Variants in NEB observed in about 807,000 individuals in gnomAD.
The protein encoded by NEB is nemaline myopathy type 2.
Under a neutral mutation model 952.2 loss-of-function variants are expected in NEB, and 512 were observed. That is an observed-to-expected ratio of 0.54 (90% CI 0.50 to 0.58). The LOEUF (loss-of-function observed/expected upper bound fraction) is 0.58, where lower values mean the gene tolerates loss of function less well. Ranked by LOEUF, NEB falls within the 20% of genes least tolerant of loss-of-function variation. NEB has a pLI of 0.00. For missense variants in NEB, 8,428 were observed against 9,231.1 expected (o/e 0.91, Z 3.56); for synonymous variants, 2,900 against 3,149.8 (o/e 0.92, Z 2.66).
intron 76 of NEB, 167 bp downstream of exon 76, chr2:151,615,834 GA>G: frequency 1.7e-6 from 1 of 602,914 alleles, no homozygotes; most frequent in Non-Finnish European, 2.9e-6. Context: ...AATGGGTCTA[GA>G]ATTTTGTGCT....
In NEB at chr2:151,656,170, T is replaced by A. The variant is rs2099084057; in HGVS notation, c.6478A>T (p.Asn2160Tyr). The change falls in exon 49 of 182, where the codon AAT becomes TAT. Residue 2160 changes from asparagine (N) to tyrosine (Y), a missense_variant. Around this residue, in one of 11 missense-constraint regions of NEB, gnomAD observed 2,851 missense variants for 2,791.5 expected, o/e 1.02. Coordinates refer to ENST00000397345, the MANE Select transcript of NEB (RefSeq NM_001164508.2). ...AMNIELTRNMNRIQSDNEYKQ... is the reference protein window; with the variant it reads ...AMNIELTRNMYRIQSDNEYKQ... ...AGCCTTACATCACTCTGTATGCGAT[T>A]CATATTCCTGGTCAGCTCAATGTTC... 6.3e-7 allele frequency: 1 copy of A among 1,596,060 alleles called. No individual in the cohort carries two copies. Among genetic ancestry groups the A allele is most frequent in the African/African-American group, 1.3e-5 (1 of 74,528 alleles).
At chr2:151,639,731 A>G (rs1560828244) in intron 62 of NEB, 126 bp downstream of exon 62, 6 of 764,286 alleles carry the variant, frequency 7.9e-6, no homozygotes, top group Admixed American at 5.8e-5. Flanking sequence ...TGAGAAGCCA[A>G]TAGATACATA....
Position 151,664,820 on chromosome 2 carries a change from T to C in NEB, c.5282A>G (p.His1761Arg), listed in dbSNP as rs1195585233. The C allele has an allele frequency of 6.2e-7, 1 of 1,613,078 alleles. No homozygotes were observed. Among genetic ancestry groups the C allele is most frequent in the Admixed American group, 1.7e-5 (1 of 59,954 alleles). Residue 1761 changes from histidine to arginine, a missense_variant, in exon 43 of 182, where the codon CAT (histidine) becomes CGT (arginine). His to Arg is a conservative substitution (Grantham distance 29). Transcript: ENST00000397345. ...AATATCCGGTGTGTCAGGCATGACA[T>C]GAATGGTGGTCTTGTCCTTGTTCCA... ...EKWNKDKTTI[H>R]VMPDTPDILL...
chr2:151,691,294 T>G (rs555787270), intron 23 of NEB, among the ~76,000 whole-genome samples: 1 of 152,334 alleles, frequency 6.6e-6, no homozygotes, highest in Non-Finnish European at 1.5e-5. Context: ...CCCCTGACCT[T>G]GGCCTGACTG....
At chr2:151,612,152 T>C (rs574520488) in intron 78 of NEB, 34 bp downstream of exon 78, 1 of 1,591,916 alleles carries the variant, frequency 6.3e-7, no homozygotes, top group African/African-American at 1.3e-5. Flanking sequence ...GTGGAAGGTA[T>C]GATTCTGGCA....
Position 151,733,023 on chromosome 2 carries a change from A to G in NEB, c.36+98T>C, listed in dbSNP as rs188363427. ...AATGATGACTCTTTGTGAAGTTATA[A>G]TAGACAATGTATTTTTCGAATGATT... On this transcript the variant is annotated intron_variant, in intron 3 of 181. Coordinates refer to ENST00000397345, the MANE Select transcript of NEB (RefSeq NM_001164508.2). 519 of 1,063,930 alleles carry G rather than the reference A, an allele frequency of 4.9e-4. 1 individual carries two copies. In the African/African-American group the frequency reaches 7.7e-3, roughly 16 times the overall value. The allele number at this position is 1,063,930 out of a possible 1,614,324, so 65.9% of individuals were successfully genotyped here.
chr2:151,662,041 C>A, intron 46 of NEB, 94 bp downstream of exon 46: 1 of 1,099,070 alleles, frequency 9.1e-7, no homozygotes, highest in Admixed American at 2.4e-5. Context: ...GTGTGATGCC[C>A]TATAACTGTA....
Position 151,656,923 on chromosome 2 carries a change from T to A in NEB, c.6184-459A>T, listed in dbSNP as rs562632547. ...AATTATTCTGTCAGTCATTTACTGA[T>A]GAGAAAAGTTTCAATTATGAGACAC... On this transcript the variant is annotated intron_variant, in intron 48 of 181. Transcript: ENST00000397345. Among the ~76,000 whole-genome samples, 25 of 152,286 alleles carry A rather than the reference T, an allele frequency of 1.6e-4. 1 individual carries two copies. The South Asian group carries it at 5.2e-3, about 32-fold the overall frequency.
At chr2:151,723,337 C>T in intron 9 of NEB, 45 bp downstream of exon 9, 1 of 1,413,988 alleles carries the variant, frequency 7.1e-7, no homozygotes, top group Non-Finnish European at 9.8e-7. Context: ...ATTCAAGTTC[C>T]CCTGACTCTG....
At chr2:151,622,678 T>C (rs2098443097) in intron 71 of NEB, among the ~76,000 whole-genome samples, 2 of 152,178 alleles carry the variant, frequency 1.3e-5, no homozygotes, top group Non-Finnish European at 2.9e-5. Context: ...TTACCATGTA[T>C]CTCCTAAGAA....
Position 151,687,656 on chromosome 2 carries a change from T to C in NEB, c.2493A>G (p.Ala831=), listed in dbSNP as rs1343030282. The C allele has an allele frequency of 6.2e-7, 1 of 1,611,842 alleles. No individual in the cohort carries two copies. The highest frequency in any genetic ancestry group is 1.7e-5 in the Admixed American group (1 of 59,530). Residue 831 remains alanine, a synonymous_variant, in exon 26 of 182, where the codon GCA becomes GCG. Coordinates refer to ENST00000397345, the MANE Select transcript of NEB (RefSeq NM_001164508.2). Reference sequence around the variant, plus strand: ...TGGTGTTCTTGGTGTTGGCTTTGGCTGCCAACAGGGGAATGGCGTCCACTT... The same window carrying C: ...TGGTGTTCTTGGTGTTGGCTTTGGCCGCCAACAGGGGAATGGCGTCCACTT... ...DIKVDAIPLL[A]AKANTKNTSD...
At chr2:151,730,615 TGAAAA>T (rs2099804766) in intron 3 of NEB, among the ~76,000 whole-genome samples, 1 of 73,560 alleles carries the variant, frequency 1.4e-5, no homozygotes, top group Non-Finnish European at 3.1e-5. Context: ...CATTTCTTAG[TGAAAA>T]AAAAAAAAAA....
chr2:151,491,695 G>GT lies in NEB; in HGVS notation c.25137dup (p.His8380ThrfsTer4). 1 of 1,592,776 alleles carries GT rather than the reference G, an allele frequency of 6.3e-7. No individual in the cohort carries two copies. The highest frequency in any genetic ancestry group is 8.6e-7 in the Non-Finnish European group (1 of 1,168,604). On this transcript the variant is annotated frameshift_variant, in exon 179 of 182. Transcript: ENST00000397345. LOFTEE classifies it high-confidence loss of function. The stretch of plus-strand genomic sequence containing the variant: ...TCAGCTAACACACCATTAATCATGT[G>GT]TAAGCTTCGGGACTGGATGTTGTCT...
intron 168 of NEB, 40 bp downstream of exon 168, chr2:151,501,351 T>A (rs749993364): frequency 7.7e-7 from 1 of 1,293,194 alleles, no homozygotes; most frequent in Non-Finnish European, 1.1e-6. Context: ...TAGAAATTAT[T>A]ATTTTTTAAT....
rs1178471461 is a variant in NEB at position 151,504,554 on chromosome 2, A to G, written c.23742+924T>C. Among the ~76,000 whole-genome samples the G allele has an allele frequency of 2.6e-5, 4 of 152,230 alleles. No individual in the cohort carries two copies. The East Asian group carries it at 5.8e-4, about 22-fold the overall frequency. Reference sequence around the variant, plus strand: ...GAGAAGGGAATGAGATCTAAATAATATGAACAACCTGCAAGAGAAATATCA... The same window carrying G: ...GAGAAGGGAATGAGATCTAAATAATGTGAACAACCTGCAAGAGAAATATCA... On this transcript the variant is annotated intron_variant, in intron 165 of 181. Transcript: ENST00000397345.
At chr2:151,666,955 G>C (rs1380213425) in intron 40 of NEB, among the ~76,000 whole-genome samples, 5 of 151,938 alleles carry the variant, frequency 3.3e-5, no homozygotes, top group African/African-American at 1.2e-4. Flanking sequence ...ATACAAATTA[G>C]TGTATTAATC....
chr2:151,715,929 T>C (rs1019226672), intron 10 of NEB, among the ~76,000 whole-genome samples: 14 of 152,168 alleles, frequency 9.2e-5, no homozygotes, highest in African/African-American at 3.4e-4. Flanking sequence ...AAAATCACTT[T>C]TAAGAATCCC....
intron 107 of NEB, among the ~76,000 whole-genome samples, chr2:151,572,148 C>T (rs1324511507): frequency 6.6e-6 from 1 of 152,110 alleles, no homozygotes; most frequent in East Asian, 1.9e-4. Flanking sequence ...ATGGTGAAAC[C>T]TTGTCTCTAT....
At chr2:151,669,444 T>C (rs1225415832) in intron 38 of NEB, among the ~76,000 whole-genome samples, 1 of 152,158 alleles carries the variant, frequency 6.6e-6, no homozygotes, top group East Asian at 1.9e-4. Context: ...CTACAAACTA[T>C]CACTAGAATT....
Sources: gnomAD v4.1 joint callset for allele counts (sites outside exome capture counted in the v4.1 genomes callset) on GRCh38, gnomAD v4.1.1 for gene constraint, gnomAD v4.1.1 regional missense constraint, MANE v1.5 for transcripts, NCBI Gene and HGNC (gene_info 2026-07-23, HGNC 2026-07-21) for gene names.